SMC3: variants seen among roughly 807,000 people sequenced by gnomAD.
SMC3 encodes structural maintenance of chromosomes 3.
A neutral mutation model predicts 171.8 loss-of-function variants in SMC3; 20 were observed. The ratio of observed to expected loss-of-function variants is 0.12; its 90% CI spans 0.08 to 0.17. The LOEUF is 0.17. Ranked by LOEUF, SMC3 falls within the 10% of genes least tolerant of loss-of-function variation. The pLI, the probability that SMC3 is intolerant of heterozygous loss-of-function variation, is 1.00. For synonymous variants in SMC3, 464 were observed against 451.1 expected, an observed-to-expected ratio of 1.03 and a Z score of -0.36; for missense variants, 543 against 1,420.4, an observed-to-expected ratio of 0.38 and a Z score of 9.93.
Position 110,577,510 on chromosome 10 carries a change from T to C in SMC3, c.270+18T>C. On this transcript the variant is annotated intron_variant, in intron 5 of 28. Transcript: ENST00000361804. ...GGTTACCAGTAAGTAACTTTTTTTT[T>C]AAAGTAATGTTGAGAATTTAATTGG... 3 of 1,521,494 alleles carry C rather than the reference T, an allele frequency of 2.0e-6. No individual in the cohort carries two copies. The East Asian group carries it at 6.8e-5, about 34-fold the overall frequency. The allele number at this position is 1,521,494 out of a possible 1,614,324, so 94.2% of individuals were successfully genotyped here. A position where few individuals can be genotyped will look rare whatever the true frequency, so the allele number is the denominator to read the frequency against.
rs1345184300 is a variant in SMC3, at chr10:110,577,835, A to G, written c.271A>G (p.Ile91Val). ...IFDNSDNRLPIDKEEVSLRRV... is the reference protein window; with the variant it reads ...IFDNSDNRLPVDKEEVSLRRV... Reference sequence around the variant, plus strand: ...TGTGGGCTTTTACATTTTTTCTTAGATCGATAAAGAGGAAGTTTCACTTCG... The same window carrying G: ...TGTGGGCTTTTACATTTTTTCTTAGGTCGATAAAGAGGAAGTTTCACTTCG... Residue 91 changes from isoleucine (I) to valine (V), a missense_variant and splice_region_variant, in exon 6 of 29, where the codon ATC becomes GTC. By Grantham distance (29) the Ile-to-Val change is conservative. Transcript: ENST00000361804. 6.2e-7 allele frequency: 1 copy of G among 1,606,458 alleles called. No homozygotes were observed. The highest frequency in any genetic ancestry group is 1.3e-5 in the African/African-American group (1 of 74,692).
chr10:110,601,855 G>A lies in SMC3; in HGVS notation c.2863G>A (p.Glu955Lys), dbSNP rs1402285512. The change falls in exon 24 of 29, where the codon GAA becomes AAA. Residue 955 changes from glutamate (E) to lysine (K), a missense_variant. Coordinates refer to ENST00000361804, the MANE Select transcript of SMC3 (RefSeq NM_005445.4). ...TGGATCACTTCCCCAGGAAGCATTT[G>A]AAAAGTACCAGACACTGAGCCTCAA... is the stretch of plus-strand genomic sequence containing the variant. ...ELGSLPQEAF[E>K]KYQTLSLKQL... The A allele has an allele frequency of 6.2e-7, 1 of 1,613,982 alleles. No individual in the cohort carries two copies. Among genetic ancestry groups the A allele is most frequent in the Non-Finnish European group, 8.5e-7 (1 of 1,179,948 alleles).
intron 26 of SMC3, 47 bp from the exon 27 acceptor site, chr10:110,602,778 G>A: frequency 4.4e-6 from 7 of 1,587,794 alleles, no homozygotes; most frequent in Admixed American, 3.3e-5. Flanking sequence ...AAAGATGGTG[G>A]TGATTCTGCC....
chr10:110,581,656 A>T lies in SMC3; in HGVS notation c.548-267A>T, dbSNP rs80244634. ...TTAACCCATTTATGCCTAGCATTCCATTATTGGAATCCTAAGCTTGTGGAT... is the reference window on the plus strand; with the variant it reads ...TTAACCCATTTATGCCTAGCATTCCTTTATTGGAATCCTAAGCTTGTGGAT... On this transcript the variant is annotated intron_variant, in intron 8 of 28. Transcript: ENST00000361804. Among the ~76,000 whole-genome samples, 642 of 152,254 alleles carry T rather than the reference A, an allele frequency of 4.2e-3. 5 individuals carry two copies. The highest frequency in any genetic ancestry group is 0.015 in the African/African-American group (614 of 41,536).
Position 110,596,551 on chromosome 10 carries a change from A to G in SMC3, c.2116+1A>G. The G allele has an allele frequency of 1.2e-6, 2 of 1,613,814 alleles. No homozygotes were observed. The highest frequency in any genetic ancestry group is 1.1e-5 in the South Asian group (1 of 91,064). On this transcript the variant is annotated splice_donor_variant, in intron 19 of 28. Coordinates refer to ENST00000361804, the MANE Select transcript of SMC3 (RefSeq NM_005445.4). LOFTEE classifies it high-confidence loss of function. Reference sequence around the variant, plus strand: ...GAAAACCTGCGCAGAAATATTGAAAATATCTTTTTGTTTTGTGCATAGTGA... The same window carrying G: ...GAAAACCTGCGCAGAAATATTGAAAGTATCTTTTTGTTTTGTGCATAGTGA...
intron 7 of SMC3, among the ~76,000 whole-genome samples, chr10:110,580,352 G>GT (rs920817654): frequency 5.9e-5 from 9 of 152,074 alleles, no homozygotes; most frequent in South Asian, 2.1e-4. Flanking sequence ...AAAATACTTT[G>GT]TTTTTTGAGA....
chr10:110,575,249 C>T lies in SMC3; in HGVS notation c.131-87C>T, dbSNP rs943118792. 2.8e-5 allele frequency: 26 copies of T among 912,312 alleles called. No homozygotes were observed. In the Admixed American group the frequency reaches 4.5e-4, roughly 16 times the overall value. 56.5% of individuals were successfully genotyped at this position (912,312 alleles called of 1,614,324 possible). The stretch of plus-strand genomic sequence containing the variant: ...TATTTGCATTGTCTATTACCAGACA[C>T]ACTATGTTCTATTGAGGTGTGGGAA... On this transcript the variant is annotated intron_variant, in intron 3 of 28. Transcript: ENST00000361804.
chr10:110,594,107 C>CATTTGCT (rs112495559), intron 18 of SMC3, among the ~76,000 whole-genome samples: 1 of 152,040 alleles, frequency 6.6e-6, no homozygotes, highest in African/African-American at 2.4e-5. Context: ...GAAATGTGAT[C>CATTTGCT]ATATAGCAGG....
At chr10:110,583,151 CA>C (rs1225358613) in intron 10 of SMC3, among the ~76,000 whole-genome samples, 5 of 151,972 alleles carry the variant, frequency 3.3e-5, no homozygotes, top group Non-Finnish European at 7.4e-5. Context: ...CTGGGCCTCC[CA>C]AAGTGCTGAG....
At chr10:110,578,803 C>A in intron 7 of SMC3, 97 bp downstream of exon 7, 2 of 853,122 alleles carry the variant, frequency 2.3e-6, no homozygotes, top group Non-Finnish European at 1.9e-6. Flanking sequence ...TAAGCTGAAG[C>A]AAAAATGGCC....
At position 110,584,209 on chromosome 10, in the gene SMC3, C is replaced by G; in HGVS notation, c.1118C>G (p.Thr373Arg). ...ARLAQATQERTDLYAKQGRGS... is the reference protein window; with the variant it reads ...ARLAQATQERRDLYAKQGRGS... The stretch of plus-strand genomic sequence containing the variant: ...TTGGCTCAAGCTACCCAGGAAAGAA[C>G]GGATCTTTATGCAAAGCAGGGTCGA... The change falls in exon 13 of 29, where the codon ACG becomes AGG. Residue 373 changes from threonine (T) to arginine (R), a missense_variant. Coordinates refer to ENST00000361804, the MANE Select transcript of SMC3 (RefSeq NM_005445.4). The G allele has an allele frequency of 6.2e-7, 1 of 1,612,674 alleles. No homozygotes were observed. The highest frequency in any genetic ancestry group is 8.5e-7 in the Non-Finnish European group (1 of 1,179,514).
chr10:110,601,530 C>T (rs756303247), intron 23 of SMC3, 107 bp from the exon 24 acceptor site: 174 of 1,258,942 alleles, frequency 1.4e-4, no homozygotes, highest in Non-Finnish European at 1.8e-4. Context: ...ATTTTAAACA[C>T]AAAACCTAAA....
rs1861286189 is a variant in SMC3 at position 110,595,505 on chromosome 10, C to G, written c.1964-893C>G. ...GCAGATCTCTCCGTTGTAAAGGTAT[C>G]CCTTTGCCCCTTTGTAATTTAATAA... On this transcript the variant is annotated intron_variant, in intron 18 of 28. Transcript: ENST00000361804. Among the ~76,000 whole-genome samples the G allele has an allele frequency of 2.0e-5, 3 of 152,124 alleles. No homozygotes were observed. The South Asian group carries it at 6.2e-4, about 32-fold the overall frequency.
chr10:110,603,084 T>C (rs1861411870), intron 27 of SMC3, 82 bp downstream of exon 27: 1 of 1,558,292 alleles, frequency 6.4e-7, no homozygotes, highest in South Asian at 1.1e-5. Context: ...AAAATCAAAC[T>C]CAGGCAGTTT....
intron 14 of SMC3, 36 bp downstream of exon 14, chr10:110,589,744 G>C (rs372560820): frequency 2.1e-6 from 3 of 1,435,962 alleles, no homozygotes; most frequent in Non-Finnish European, 2.9e-6. Flanking sequence ...AATGTTTTCA[G>C]TAATGTTCGT....
chr10:110,581,252 C>G (rs1422207351), intron 8 of SMC3, among the ~76,000 whole-genome samples: 4 of 134,938 alleles, frequency 3.0e-5, no homozygotes, highest in African/African-American at 1.1e-4. Context: ...GAGTCTTGCT[C>G]TGTCACCCAG....
rs368894572 is a variant in SMC3, at chr10:110,602,482, G to A, written c.3114G>A (p.Lys1038=). The A allele has an allele frequency of 1.2e-5, 20 of 1,612,056 alleles. No individual in the cohort carries two copies. Among genetic ancestry groups the A allele is most frequent in the Middle Eastern group, 1.9e-4 (1 of 5,354 alleles). ...TCTGCTTTTGTTTTAAGGTATCTAA[G>A]AACTTCAGTGAAGTATTCCAGAAGT... is the stretch of plus-strand genomic sequence containing the variant. ...AIQLTFKQVS[K]NFSEVFQKLV... The change falls in exon 26 of 29, where the codon AAG becomes AAA. Residue 1038 remains lysine, a synonymous_variant. Transcript: ENST00000361804.
intron 2 of SMC3, among the ~76,000 whole-genome samples, chr10:110,569,460 T>C (rs1032197953): frequency 6.6e-6 from 1 of 151,932 alleles, no homozygotes; most frequent in African/African-American, 2.4e-5. Context: ...CATAACAGAA[T>C]GGGGTTCAAA....
Position 110,604,391 on chromosome 10 carries a change from GC to G in SMC3, c.*91del. The stretch of plus-strand genomic sequence containing the variant: ...CTGTAAATTTAAACCTAAATATTTG[GC>G]CAATAGTTTTCAGACTTAAAGCATC... On this transcript the variant is annotated 3_prime_UTR_variant, in exon 29 of 29. Transcript: ENST00000361804. 2.1e-6 allele frequency: 2 copies of G among 968,648 alleles called. No homozygotes were observed. The highest frequency in any genetic ancestry group is 3.3e-6 in the Non-Finnish European group (2 of 604,438). The allele number at this position is 968,648 out of a possible 1,614,324, so 60.0% of individuals were successfully genotyped here.
Sources: gnomAD v4.1 joint callset for allele counts (sites outside exome capture counted in the v4.1 genomes callset) on GRCh38, gnomAD v4.1.1 for gene constraint, MANE v1.5 for transcripts, NCBI Gene and HGNC (gene_info 2026-07-23, HGNC 2026-07-21) for gene names.